The following SCFD2 variants were observed in gnomAD, a reference collection of about 807,000 sequenced individuals.
The protein encoded by SCFD2 is sec1 family domain containing 2.
Under a neutral mutation model 58.9 loss-of-function variants are expected in SCFD2, and 54 were observed. The ratio of observed to expected loss-of-function variants is 0.92; its 90% confidence interval spans 0.74 to 1.15. The LOEUF is 1.15. Among genes scored for constraint, SCFD2 ranks in the 50% most tolerant of loss-of-function variants. The probability of loss-of-function intolerance (pLI) is 0.00; values close to 1 mark genes in which losing one functional copy is unlikely to be tolerated. For missense variants in SCFD2, 805 were observed against 836.6 expected (o/e 0.96, Z 0.47); for synonymous variants, 321 against 335.9 (o/e 0.96, Z 0.49).
chr4:53,028,086 A>C (rs1191606984), intron 5 of SCFD2, among the ~76,000 whole-genome samples: 1 of 151,790 alleles, frequency 6.6e-6, no homozygotes, highest in Non-Finnish European at 1.5e-5. Flanking sequence ...GTCTCTACTA[A>C]AAATACAAAA....
At chr4:53,138,923 C>A (rs1233044809) in intron 5 of SCFD2, among the ~76,000 whole-genome samples, 1 of 151,120 alleles carries the variant, frequency 6.6e-6, no homozygotes, top group African/African-American at 2.4e-5. Flanking sequence ...GATGCCCAGC[C>A]GAGGCTGGAC....
intron 4 of SCFD2, among the ~76,000 whole-genome samples, chr4:53,175,318 T>A (rs1422022464): frequency 6.6e-6 from 1 of 152,216 alleles, no homozygotes; most frequent in Non-Finnish European, 1.5e-5. Context: ...GGAAATTGGA[T>A]GTTCAAATTC....
intron 6 of SCFD2, among the ~76,000 whole-genome samples, chr4:52,920,001 T>C (rs1450336352): frequency 6.6e-6 from 1 of 152,228 alleles, no homozygotes; most frequent in Non-Finnish European, 1.5e-5. Context: ...ACAGAAACAT[T>C]TGTTCTTCCC....
At chr4:53,333,331 G>A (rs74409656) in intron 2 of SCFD2, among the ~76,000 whole-genome samples, 79,320 of 134,184 alleles carry the variant, frequency 0.59, 23,627 homozygotes, top group Middle Eastern at 0.65. Flanking sequence ...GAGGCATCAC[G>A]CTACCTGACT....
chr4:52,980,033 C>T (rs1014056140), intron 5 of SCFD2, among the ~76,000 whole-genome samples: 9 of 152,212 alleles, frequency 5.9e-5, no homozygotes, highest in African/African-American at 2.2e-4. Context: ...TTTACACTGA[C>T]TACAAAGTGA....
At chr4:53,207,564 TA>T in intron 4 of SCFD2, among the ~76,000 whole-genome samples, 1 of 37,046 alleles carries the variant, frequency 2.7e-5, no homozygotes, top group African/African-American at 1.1e-4. Context: ...ATATATAATA[TA>T]TATAATATTT....
At chr4:53,118,442 A>G (rs1007091663) in intron 5 of SCFD2, among the ~76,000 whole-genome samples, 6 of 152,264 alleles carry the variant, frequency 3.9e-5, no homozygotes, top group Non-Finnish European at 7.3e-5. Context: ...ATGAGATTCA[A>G]TCACAAAGAG....
At chr4:53,291,918 C>T (rs568409607) in intron 3 of SCFD2, among the ~76,000 whole-genome samples, 47 of 152,214 alleles carry the variant, frequency 3.1e-4, no homozygotes, top group African/African-American at 1.1e-3. Flanking sequence ...GGAAAACTGG[C>T]TAGCCATATG....
intron 8 of SCFD2, among the ~76,000 whole-genome samples, chr4:52,884,889 G>A (rs1718698464): frequency 6.6e-6 from 1 of 152,146 alleles, no homozygotes; most frequent in South Asian, 2.1e-4. Context: ...AGCGTTCTGA[G>A]CCAGGCACAG....
chr4:52,937,940 C>T (rs930197349), intron 5 of SCFD2, among the ~76,000 whole-genome samples: 3 of 152,034 alleles, frequency 2.0e-5, no homozygotes, highest in Non-Finnish European at 4.4e-5. Context: ...AGAATTAAGC[C>T]GATGTTTAAA....
Position 53,130,419 on chromosome 4 carries a change from G to C in SCFD2, c.1561+14914C>G, listed in dbSNP as rs1026904324. ...TTTTAAAATACAGAGATATAAACCT[G>C]GTTCTTTAATGAATGCTCTTATGGT... On this transcript the variant is annotated intron_variant, in intron 5 of 8. Coordinates refer to ENST00000401642, the MANE Select transcript of SCFD2 (RefSeq NM_152540.4). Among the ~76,000 whole-genome samples, 3 of 152,242 alleles carry C rather than the reference G, an allele frequency of 2.0e-5. No homozygotes were observed. In the East Asian group the frequency reaches 5.8e-4, roughly 29 times the overall value.
chr4:53,012,591 T>C (rs1293421900), intron 5 of SCFD2, among the ~76,000 whole-genome samples: 2 of 152,192 alleles, frequency 1.3e-5, no homozygotes, highest in African/African-American at 4.8e-5. Flanking sequence ...TCTTTATTTT[T>C]CTTTCATTCC....
chr4:52,996,284 G>A (rs1311679526), intron 5 of SCFD2, among the ~76,000 whole-genome samples: 1 of 152,046 alleles, frequency 6.6e-6, no homozygotes, highest in Non-Finnish European at 1.5e-5. Context: ...CTTGAGCAAG[G>A]AGGTCTTGGC....
intron 5 of SCFD2, among the ~76,000 whole-genome samples, chr4:53,060,435 G>A (rs1277503677): frequency 6.6e-6 from 1 of 152,124 alleles, no homozygotes; most frequent in Non-Finnish European, 1.5e-5. Flanking sequence ...GTTGAAAGAT[G>A]CTTATTATAC....
chr4:53,332,008 A>G (rs1733491724), intron 2 of SCFD2, among the ~76,000 whole-genome samples: 1 of 152,234 alleles, frequency 6.6e-6, no homozygotes, highest in Non-Finnish European at 1.5e-5. Flanking sequence ...AGAAATGGAT[A>G]AATTCCTTGC....
intron 7 of SCFD2, among the ~76,000 whole-genome samples, chr4:52,887,048 T>C (rs1718756680): frequency 6.6e-6 from 1 of 152,244 alleles, no homozygotes; most frequent in Non-Finnish European, 1.5e-5. Flanking sequence ...ATAAACTCCA[T>C]GAGGCAAGAG....
chr4:53,347,784 T>C (rs1373316177), intron 2 of SCFD2, among the ~76,000 whole-genome samples: 4 of 152,154 alleles, frequency 2.6e-5, no homozygotes, highest in African/African-American at 7.2e-5. Flanking sequence ...CACATAATAT[T>C]GTAGGCCATT....
At chr4:53,012,816 G>C (rs542866904) in intron 5 of SCFD2, among the ~76,000 whole-genome samples, 1 of 142,640 alleles carries the variant, frequency 7.0e-6, no homozygotes, top group Non-Finnish European at 1.5e-5. Flanking sequence ...CCTCCTTTCT[G>C]TGTGTGTGTG....
At chr4:52,997,890 C>A (rs1721780430) in intron 5 of SCFD2, among the ~76,000 whole-genome samples, 1 of 152,182 alleles carries the variant, frequency 6.6e-6, no homozygotes, top group Non-Finnish European at 1.5e-5. Flanking sequence ...AAGAGACACA[C>A]AATTAAAAGT....
Sources: gnomAD v4.1 joint callset for allele counts (sites outside exome capture counted in the v4.1 genomes callset) on GRCh38, gnomAD v4.1.1 for gene constraint, MANE v1.5 for transcripts, NCBI Gene and HGNC (gene_info 2026-07-23, HGNC 2026-07-21) for gene names.